KCNK4: variants seen among roughly 807,000 people sequenced by gnomAD.
KCNK4 encodes potassium two pore domain channel subfamily K member 4.
KCNK4 carries 22 observed loss-of-function variants against 28.8 expected under a neutral mutation model. The observed-to-expected ratio is 0.76, with a 90% CI of 0.55 to 1.09. The LOEUF (loss-of-function observed/expected upper bound fraction) is 1.09, where lower values mean the gene tolerates loss of function less well. Ranked by LOEUF, KCNK4 falls within the 50% of genes least tolerant of loss-of-function variation. The pLI is 0.00. For synonymous variants in KCNK4, 263 were observed against 252.9 expected (o/e 1.04, Z -0.38); for missense variants, 483 against 546.3 (o/e 0.88, Z 1.15).
rs1024656954 is a variant in KCNK4 at position 64,299,210 on chromosome 11, G to A, written c.802-136G>A. ...CCAGTGGAGGAGCCCTTCCATCCTT[G>A]GGGCTGGCTGAGGCTGGAGGACCAG... On this transcript the variant is annotated intron_variant, in intron 6 of 6. Transcript: ENST00000422670. 7 of 801,132 alleles carry A rather than the reference G, an allele frequency of 8.7e-6. No individual in the cohort carries two copies. The South Asian group carries it at 1.3e-4, about 15-fold the overall frequency. The allele number at this position is 801,132 out of a possible 1,614,324, so 49.6% of individuals were successfully genotyped here. A position where few individuals can be genotyped will look rare whatever the true frequency, so the allele number is the denominator to read the frequency against.
At chr11:64,299,050 GAAAAA>G (rs56097945) in intron 6 of KCNK4, among the ~76,000 whole-genome samples, 1 of 85,076 alleles carries the variant, frequency 1.2e-5, no homozygotes, top group Admixed American at 1.4e-4. Context: ...AAAAAAAGAA[GAAAAA>G]AAAAAAAAAA....
Position 64,299,444 on chromosome 11 carries a change from G to A in KCNK4, c.900G>A (p.Glu300=). 1 of 1,597,596 alleles carries A rather than the reference G, an allele frequency of 6.3e-7. No individual in the cohort carries two copies. The highest frequency in any genetic ancestry group is 8.5e-7 in the Non-Finnish European group (1 of 1,174,416). The part of the protein sequence containing the change: ...AGPAAPPPEK[E]QPLLPPPPCP... ...CCGCCGCCCCGCCGCCGGAGAAGGA[G>A]CAGCCACTGCTGCCTCCACCGCCCT... The change falls in exon 7 of 7, where the codon GAG becomes GAA. Residue 300 remains glutamate (E), a synonymous_variant. Transcript: ENST00000422670.
intron 2 of KCNK4, among the ~76,000 whole-genome samples, chr11:64,295,156 G>C (rs539326190): frequency 6.6e-6 from 1 of 152,172 alleles, no homozygotes; most frequent in Non-Finnish European, 1.5e-5. Context: ...GCCTTGGAGG[G>C]TGTCACATCT....
Position 64,293,194 on chromosome 11 carries a change from G to C in KCNK4, c.176G>C (p.Gly59Ala), listed in dbSNP as rs574534061. 4.6e-5 allele frequency: 67 copies of C among 1,471,282 alleles called. No individual in the cohort carries two copies. The South Asian group carries it at 8.6e-4, about 19-fold the overall frequency. 91.1% of individuals were successfully genotyped at this position (1,471,282 alleles called of 1,614,324 possible). Residue 59 changes from glycine (G) to alanine (A), a missense_variant, in exon 2 of 7, where the codon GGC becomes GCC. Coordinates refer to ENST00000422670, the MANE Select transcript of KCNK4 (RefSeq NM_033310.3). The part of the protein sequence containing the change: ...AHPCVSDQEL[G>A]LLIKEVADAL... ...CCGTGTGTGAGCGACCAGGAGCTGG[G>C]CCTCCTCATCAAGGTGCGTGGGTGG...
At chr11:64,292,835 A>G (rs1244112914) in intron 1 of KCNK4, 107 bp from the exon 2 acceptor site, 4 of 1,229,062 alleles carry the variant, frequency 3.3e-6, no homozygotes, top group Non-Finnish European at 3.2e-6. Context: ...GTCTGTGGAC[A>G]GTGCAGCTGG....
chr11:64,292,323 C>G (rs1398579163), intron 1 of KCNK4, among the ~76,000 whole-genome samples: 1 of 152,078 alleles, frequency 6.6e-6, no homozygotes, highest in African/African-American at 2.4e-5. Context: ...TTTCCGGGAA[C>G]TGGGCGTCCC....
intron 2 of KCNK4, among the ~76,000 whole-genome samples, chr11:64,295,332 C>A (rs899978051): frequency 6.6e-6 from 1 of 152,046 alleles, no homozygotes; most frequent in Non-Finnish European, 1.5e-5. Context: ...TTGAAATACA[C>A]CAGGCGAGAG....
intron 6 of KCNK4, among the ~76,000 whole-genome samples, chr11:64,298,557 C>T (rs2034836154): frequency 6.6e-6 from 1 of 152,106 alleles, no homozygotes. Context: ...TGGTGTGTGC[C>T]TGTAGTCCCA....
rs1464999240 is a variant in KCNK4, at chr11:64,299,812, TCCACGAGA to T, written c.*88_*95del. ...GCTTGTTTGACCAAAGAGCCCTCTT[TCCACGAGA>T]CTGAAGTCTGGGGAGGAGGCTACAG... On this transcript the variant is annotated 3_prime_UTR_variant, in exon 7 of 7. Transcript: ENST00000422670. The T allele has an allele frequency of 3.3e-5, 51 of 1,535,496 alleles. No homozygotes were observed. Among genetic ancestry groups the T allele is most frequent in the Non-Finnish European group, 4.4e-5 (51 of 1,146,802 alleles).
rs753415364 is a variant in KCNK4, at chr11:64,296,884, G to A, written c.196G>A (p.Ala66Thr). The change falls in exon 3 of 7, where the codon GCT becomes ACT. Residue 66 changes from alanine to threonine, a missense_variant. Coordinates refer to ENST00000422670, the MANE Select transcript of KCNK4 (RefSeq NM_033310.3). ...TCTGCACCTTGTCCTGCAGGAGGTG[G>A]CTGATGCCCTGGGAGGGGGTGCGGA... ...QELGLLIKEV[A>T]DALGGGADPE... 6.6e-7 allele frequency: 1 copy of A among 1,510,032 alleles called. No homozygotes were observed. Among genetic ancestry groups the A allele is most frequent in the Non-Finnish European group, 8.8e-7 (1 of 1,131,022 alleles). The allele number at this position is 1,510,032 out of a possible 1,614,324, so 93.5% of individuals were successfully genotyped here. A position where few individuals can be genotyped will look rare whatever the true frequency, so the allele number is the denominator to read the frequency against.
Position 64,299,835 on chromosome 11 carries a change from G to A in KCNK4, c.*109G>A. The A allele has an allele frequency of 6.5e-7, 1 of 1,533,196 alleles. No homozygotes were observed. 95.0% of individuals were successfully genotyped at this position (1,533,196 alleles called of 1,614,324 possible). On this transcript the variant is annotated 3_prime_UTR_variant, in exon 7 of 7. Coordinates refer to ENST00000422670, the MANE Select transcript of KCNK4 (RefSeq NM_033310.3). ...TTTCCACGAGACTGAAGTCTGGGGA[G>A]GAGGCTACAGTTGCCTCTCCGCCTC...
chr11:64,291,350 A>G lies in KCNK4; in HGVS notation c.-294A>G, dbSNP rs2232410. 131,070 of 152,318 alleles carry G rather than the reference A, an allele frequency of 0.86. 59,363 individuals carry two copies. Among genetic ancestry groups the G allele is most frequent in the Non-Finnish European group, 1 (67,986 of 68,170 alleles). The allele number at this position is 152,318 out of a possible 1,614,324, so 9.4% of individuals were successfully genotyped here. A position where few individuals can be genotyped will look rare whatever the true frequency, so the allele number is the denominator to read the frequency against. On this transcript the variant is annotated 5_prime_UTR_variant, in exon 1 of 7. Coordinates refer to ENST00000422670, the MANE Select transcript of KCNK4 (RefSeq NM_033310.3). ...TGTCCCCAGGGGCGGAGAGTTGCGG[A>G]CCCTTCCCGATCCGGTAATGGGCCT...
At chr11:64,297,731 T>G (rs2034812209) in intron 5 of KCNK4, 78 bp downstream of exon 5, 1 of 1,457,448 alleles carries the variant, frequency 6.9e-7, no homozygotes, top group Non-Finnish European at 9.4e-7. Flanking sequence ...TGCCTTTCCC[T>G]CCAGATCCCA....
At chr11:64,293,852 C>A (rs1038753322) in intron 2 of KCNK4, among the ~76,000 whole-genome samples, 1 of 152,174 alleles carries the variant, frequency 6.6e-6, no homozygotes, top group African/African-American at 2.4e-5. Flanking sequence ...CCACCCGCCT[C>A]GGCCTCCCAA....
At chr11:64,294,343 C>T (rs1190275907) in intron 2 of KCNK4, among the ~76,000 whole-genome samples, 1 of 151,866 alleles carries the variant, frequency 6.6e-6, no homozygotes, top group Non-Finnish European at 1.5e-5. Context: ...TGTGGCAAAA[C>T]CCCATCTCTA....
chr11:64,299,304 G>T (rs1223015532), intron 6 of KCNK4, 42 bp from the exon 7 acceptor site: 4 of 1,475,182 alleles, frequency 2.7e-6, no homozygotes, highest in Admixed American at 2.3e-5. Flanking sequence ...CGCGGAGGGG[G>T]TCTAGACCTC....
intron 5 of KCNK4, 48 bp downstream of exon 5, chr11:64,297,701 G>A: frequency 1.3e-6 from 2 of 1,567,536 alleles, no homozygotes; most frequent in East Asian, 2.3e-5. Flanking sequence ...CTTTATTCCT[G>A]ATCAGGGGCT....
In KCNK4 at chr11:64,299,514, G is replaced by C. The variant is rs1173850373; in HGVS notation, c.970G>C (p.Glu324Gln). The C allele has an allele frequency of 7.5e-6, 12 of 1,608,974 alleles. No homozygotes were observed. In the South Asian group the frequency reaches 1.1e-4, roughly 15 times the overall value. The change falls in exon 7 of 7, where the codon GAG becomes CAG. Residue 324 changes from glutamate (E) to glutamine (Q), a missense_variant. Glu to Gln is a conservative substitution (Grantham distance 29). Coordinates refer to ENST00000422670, the MANE Select transcript of KCNK4 (RefSeq NM_033310.3). ...LGRPRSPSPP[E>Q]KAQPPSPPTA... ...CAGGCCCCGATCCCCTTCGCCCCCCGAGAAGGCTCAGCCGCCTTCCCCGCC... is the reference window on the plus strand; with the variant it reads ...CAGGCCCCGATCCCCTTCGCCCCCCCAGAAGGCTCAGCCGCCTTCCCCGCC...
chr11:64,297,437 C>T (rs777262735), intron 4 of KCNK4, 30 bp from the exon 5 acceptor site: 23 of 1,611,952 alleles, frequency 1.4e-5, no homozygotes, highest in Non-Finnish European at 2.0e-5. Context: ...TTGGTGTCTC[C>T]TGGGTCCTGC....
Sources: gnomAD v4.1 joint callset for allele counts (sites outside exome capture counted in the v4.1 genomes callset) on GRCh38, gnomAD v4.1.1 for gene constraint, MANE v1.5 for transcripts, NCBI Gene and HGNC (gene_info 2026-07-23, HGNC 2026-07-21) for gene names.